The following MAD1L1 variants were observed in gnomAD, a reference collection of about 807,000 sequenced individuals.
MAD1L1 encodes the protein mitotic spindle assembly checkpoint protein MAD1.
MAD1L1 carries 95 observed loss-of-function variants against 96.9 expected under a neutral mutation model. The observed-to-expected ratio is 0.98, with a 90% CI of 0.83 to 1.16. MAD1L1 has a LOEUF of 1.16. Ranked by LOEUF, MAD1L1 falls within the 50% of genes most tolerant of loss-of-function variation. MAD1L1 has a pLI of 0.00. For synonymous variants in MAD1L1, 473 were observed against 396.6 expected, an observed-to-expected ratio of 1.19 and a Z score of -2.29; for missense variants, 1,007 against 954.4, an observed-to-expected ratio of 1.06 and a Z score of -0.73.
intron 18 of MAD1L1, among the ~76,000 whole-genome samples, chr7:1,820,871 G>T (rs1782085480): frequency 6.6e-6 from 1 of 152,058 alleles, no homozygotes; most frequent in East Asian, 1.9e-4. Flanking sequence ...CACGAGGTCA[G>T]GAGATCAAGA....
At chr7:2,060,930 C>T (rs1784635169) in intron 12 of MAD1L1, among the ~76,000 whole-genome samples, 1 of 152,172 alleles carries the variant, frequency 6.6e-6, no homozygotes. Flanking sequence ...AGAGAAATTC[C>T]GAGAGTGAAA....
At chr7:1,912,395 T>A (rs7810386) in intron 17 of MAD1L1, among the ~76,000 whole-genome samples, 47,730 of 151,972 alleles carry the variant, frequency 0.31, 7,857 homozygotes, top group Middle Eastern at 0.42. Flanking sequence ...CCTGTTTGGG[T>A]GAGGTGAGGC....
At chr7:1,868,367 G>C (rs577156869) in intron 18 of MAD1L1, among the ~76,000 whole-genome samples, 1 of 152,218 alleles carries the variant, frequency 6.6e-6, no homozygotes, top group African/African-American at 2.4e-5. Context: ...GGCTGCTGCC[G>C]CCCAGCACAC....
intron 10 of MAD1L1, among the ~76,000 whole-genome samples, chr7:2,210,841 C>A (rs1792901733): frequency 6.6e-6 from 1 of 152,178 alleles, no homozygotes; most frequent in Non-Finnish European, 1.5e-5. Flanking sequence ...CCTTCCTGGC[C>A]ATCAGCCTCC....
chr7:2,097,284 C>T (rs1366655133), intron 11 of MAD1L1, among the ~76,000 whole-genome samples: 3 of 152,264 alleles, frequency 2.0e-5, no homozygotes, highest in African/African-American at 2.4e-5. Context: ...TCCTTGTTTC[C>T]GGGACACACA....
chr7:1,873,959 C>G (rs925160019), intron 18 of MAD1L1, among the ~76,000 whole-genome samples: 8 of 152,120 alleles, frequency 5.3e-5, no homozygotes, highest in African/African-American at 1.9e-4. Flanking sequence ...GCCAGAGGGC[C>G]TCTTGGAGCA....
At chr7:1,859,671 C>T (rs1257653616) in intron 18 of MAD1L1, among the ~76,000 whole-genome samples, 1 of 152,186 alleles carries the variant, frequency 6.6e-6, no homozygotes, top group East Asian at 1.9e-4. Flanking sequence ...CAGCCCCAGC[C>T]CCTCAGCTGG....
At chr7:2,027,117 A>G (rs536904785) in intron 12 of MAD1L1, among the ~76,000 whole-genome samples, 46 of 152,298 alleles carry the variant, frequency 3.0e-4, no homozygotes, top group Middle Eastern at 3.4e-3. Context: ...TGATAAAATG[A>G]AGTTTTAAAA....
At chr7:1,882,631 G>A (rs1175258894) in intron 18 of MAD1L1, among the ~76,000 whole-genome samples, 1 of 152,204 alleles carries the variant, frequency 6.6e-6, no homozygotes, top group Non-Finnish European at 1.5e-5. Flanking sequence ...GCCAGGCCTG[G>A]AGCGTGAGCA....
At chr7:2,000,517 G>A (rs1021430476) in intron 14 of MAD1L1, among the ~76,000 whole-genome samples, 3 of 152,138 alleles carry the variant, frequency 2.0e-5, no homozygotes, top group Admixed American at 6.5e-5. Context: ...TGTTGGGTCC[G>A]GGACCTGCCT....
chr7:1,827,092 G>T (rs1264752271), intron 18 of MAD1L1, among the ~76,000 whole-genome samples: 1 of 152,222 alleles, frequency 6.6e-6, no homozygotes, highest in Non-Finnish European at 1.5e-5. Flanking sequence ...GGCTCGGGGT[G>T]GGGCGGCCTG....
At chr7:2,047,092 GTCTTC>G (rs1783958522) in intron 12 of MAD1L1, among the ~76,000 whole-genome samples, 1 of 152,224 alleles carries the variant, frequency 6.6e-6, no homozygotes, top group African/African-American at 2.4e-5. Flanking sequence ...TGGGCAAACA[GTCTTC>G]GGCTAAGGCC....
chr7:2,201,264 C>T (rs1213612488), intron 10 of MAD1L1, among the ~76,000 whole-genome samples: 1 of 135,654 alleles, frequency 7.4e-6, no homozygotes, highest in Non-Finnish European at 1.7e-5. Flanking sequence ...GCTTCTCTGC[C>T]TCTGGCCCTC....
intron 18 of MAD1L1, among the ~76,000 whole-genome samples, chr7:1,888,296 G>A (rs116378588): frequency 0.02 from 2,788 of 137,970 alleles, 112 homozygotes; most frequent in African/African-American, 0.066. Context: ...GTGCATGCAT[G>A]CGTCTATGTG....
At chr7:2,184,700 A>G (rs1791376122) in intron 10 of MAD1L1, among the ~76,000 whole-genome samples, 4 of 152,150 alleles carry the variant, frequency 2.6e-5, no homozygotes. Context: ...AGATTCGTAC[A>G]AGTTAAAAAT....
intron 14 of MAD1L1, among the ~76,000 whole-genome samples, chr7:1,988,952 C>G (rs892512590): frequency 5.3e-5 from 8 of 152,252 alleles, no homozygotes; most frequent in Admixed American, 3.9e-4. Flanking sequence ...TGATGCCCAG[C>G]AAGACTGAGA....
chr7:2,045,159 G>A (rs1030329631), intron 12 of MAD1L1, among the ~76,000 whole-genome samples: 4 of 152,150 alleles, frequency 2.6e-5, no homozygotes, highest in East Asian at 1.9e-4. Context: ...CCTCCCACCC[G>A]GCCTCCACAC....
chr7:2,190,548 T>A (rs1791669580), intron 10 of MAD1L1, among the ~76,000 whole-genome samples: 1 of 152,192 alleles, frequency 6.6e-6, no homozygotes, highest in South Asian at 2.1e-4. Flanking sequence ...GGAGAAAATA[T>A]TCACCATACA....
At chr7:2,205,570 C>G (rs981396528) in intron 10 of MAD1L1, among the ~76,000 whole-genome samples, 4 of 152,128 alleles carry the variant, frequency 2.6e-5, no homozygotes, top group African/African-American at 9.7e-5. Flanking sequence ...GGCCGCTGCC[C>G]GCCAAAACAC....
Sources: allele counts gnomAD v4.1 joint callset (sites outside exome capture counted in the v4.1 genomes callset), GRCh38; gene constraint gnomAD v4.1.1; transcripts MANE v1.5; gene names NCBI Gene and HGNC (gene_info 2026-07-23, HGNC 2026-07-21).